Variants in UVRAG observed in about 807,000 individuals in gnomAD.
UVRAG encodes UV radiation resistance associated, also known as UV radiation resistance-associated gene protein.
In UVRAG, 19 loss-of-function variants were observed where a neutral mutation model predicts 78.0. That is an observed-to-expected ratio of 0.24 (90% CI 0.17 to 0.36). The LOEUF is 0.36. UVRAG is among the 10% of genes least tolerant of loss of function. The pLI is 1.00. For synonymous variants in UVRAG, 323 were observed against 324.6 expected, an observed-to-expected ratio of 1.00 and a Z score of 0.05; for missense variants, 740 against 853.8, an observed-to-expected ratio of 0.87 and a Z score of 1.66.
At chr11:76,052,287 C>G (rs565523657) in intron 12 of UVRAG, among the ~76,000 whole-genome samples, 9 of 152,164 alleles carry the variant, frequency 5.9e-5, no homozygotes, top group Non-Finnish European at 1.3e-4. Context: ...TTTCCTTCAT[C>G]CCCCCGGTTA....
intron 12 of UVRAG, among the ~76,000 whole-genome samples, chr11:76,054,769 T>C (rs1950945017): frequency 6.6e-6 from 1 of 152,222 alleles, no homozygotes; most frequent in African/African-American, 2.4e-5. Flanking sequence ...CTCACTGAAG[T>C]GTAAGCTTCA....
At chr11:75,951,057 A>G (rs553701538) in intron 6 of UVRAG, among the ~76,000 whole-genome samples, 13 of 151,410 alleles carry the variant, frequency 8.6e-5, no homozygotes, top group Non-Finnish European at 1.5e-4. Context: ...CATTTCCTCA[A>G]TAATGCCCTT....
chr11:76,065,860 T>A (rs1410122058), intron 13 of UVRAG, 72 bp downstream of exon 13: 2 of 1,433,570 alleles, frequency 1.4e-6, no homozygotes, highest in African/African-American at 2.8e-5. Context: ...CAGCCTTTTT[T>A]CTTTATAAAT....
At chr11:75,907,005 C>A (rs918807563) in intron 5 of UVRAG, among the ~76,000 whole-genome samples, 1 of 152,208 alleles carries the variant, frequency 6.6e-6, no homozygotes, top group African/African-American at 2.4e-5. Context: ...TGACCCCTTG[C>A]AATTCCATAT....
chr11:76,047,651 G>C (rs1252284443), intron 12 of UVRAG, among the ~76,000 whole-genome samples: 1 of 152,158 alleles, frequency 6.6e-6, no homozygotes, highest in Non-Finnish European at 1.5e-5. Flanking sequence ...AGGCTACTAG[G>C]TATAGCTGTT....
intron 6 of UVRAG, among the ~76,000 whole-genome samples, chr11:75,949,250 C>A (rs1211393655): frequency 6.6e-6 from 1 of 152,102 alleles, no homozygotes; most frequent in African/African-American, 2.4e-5. Context: ...CCAGCTCTCC[C>A]AGCTGTCCTT....
intron 13 of UVRAG, among the ~76,000 whole-genome samples, chr11:76,113,890 G>T (rs912152493): frequency 2.6e-4 from 40 of 152,042 alleles, no homozygotes; most frequent in African/African-American, 9.4e-4. Flanking sequence ...GGAGAGTTAA[G>T]ACCCAGACAG....
At chr11:75,878,026 G>C (rs917427803) in intron 3 of UVRAG, among the ~76,000 whole-genome samples, 1 of 151,328 alleles carries the variant, frequency 6.6e-6, no homozygotes, top group Non-Finnish European at 1.5e-5. Flanking sequence ...TCCCAGACGG[G>C]GTGGCTGCCG....
At chr11:76,117,602 G>T (rs1952204576) in intron 14 of UVRAG, among the ~76,000 whole-genome samples, 1 of 152,208 alleles carries the variant, frequency 6.6e-6, no homozygotes, top group Non-Finnish European at 1.5e-5. Context: ...CTTTAGATCT[G>T]AAATAAAACG....
At chr11:75,982,625 G>T (rs1385494855) in intron 7 of UVRAG, among the ~76,000 whole-genome samples, 2 of 152,126 alleles carry the variant, frequency 1.3e-5, no homozygotes, top group Non-Finnish European at 2.9e-5. Context: ...AAAACCTCAG[G>T]CCTCTGCTTG....
At chr11:76,081,276 A>T (rs1951488599) in intron 13 of UVRAG, among the ~76,000 whole-genome samples, 1 of 150,986 alleles carries the variant, frequency 6.6e-6, no homozygotes, top group Non-Finnish European at 1.5e-5. Flanking sequence ...CGCAATCTTG[A>T]CTCACTGCAA....
intron 13 of UVRAG, among the ~76,000 whole-genome samples, chr11:76,082,973 G>A (rs1180196098): frequency 6.6e-6 from 1 of 152,158 alleles, no homozygotes; most frequent in Non-Finnish European, 1.5e-5. Context: ...CAAGGCCACA[G>A]TGAGCTGAGA....
At chr11:76,065,567 TA>T (rs1291110040) in intron 12 of UVRAG, 142 bp from the exon 13 acceptor site, 17 of 619,810 alleles carry the variant, frequency 2.7e-5, no homozygotes, top group Non-Finnish European at 4.8e-5. Flanking sequence ...AAGATGTCAG[TA>T]GATTGCAATG....
chr11:75,983,063 A>G (rs1949424388), intron 7 of UVRAG, among the ~76,000 whole-genome samples: 1 of 152,098 alleles, frequency 6.6e-6, no homozygotes, highest in East Asian at 1.9e-4. Context: ...TCTGTATTTA[A>G]CTTTTTGAGA....
intron 13 of UVRAG, among the ~76,000 whole-genome samples, chr11:76,069,228 GTGT>G (rs1951254929): frequency 6.6e-6 from 1 of 152,220 alleles, no homozygotes; most frequent in Non-Finnish European, 1.5e-5. Flanking sequence ...AAATCCTCAA[GTGT>G]TGTTTGAAGA....
chr11:76,029,964 A>G (rs1215116163), intron 12 of UVRAG, among the ~76,000 whole-genome samples: 2 of 152,226 alleles, frequency 1.3e-5, no homozygotes, highest in Non-Finnish European at 2.9e-5. Context: ...CTCCACCAGC[A>G]AAAACATTAT....
At chr11:76,048,541 C>T (rs1219669941) in intron 12 of UVRAG, among the ~76,000 whole-genome samples, 1 of 152,176 alleles carries the variant, frequency 6.6e-6, no homozygotes, top group Non-Finnish European at 1.5e-5. Context: ...CTTGGAATTT[C>T]CTTCTCCTTT....
intron 11 of UVRAG, among the ~76,000 whole-genome samples, chr11:76,013,741 T>G (rs1036040566): frequency 6.6e-6 from 1 of 152,212 alleles, no homozygotes; most frequent in Non-Finnish European, 1.5e-5. Flanking sequence ...GGAGATTCAG[T>G]GGTCTTGGGG....
chr11:76,007,939 G>T (rs567818090), intron 10 of UVRAG, among the ~76,000 whole-genome samples: 33 of 150,364 alleles, frequency 2.2e-4, no homozygotes, highest in Non-Finnish European at 4.0e-4. Context: ...ACGGAGTTTC[G>T]CTCTGTCACC....
Sources: gnomAD v4.1 joint callset for allele counts (sites outside exome capture counted in the v4.1 genomes callset) on GRCh38, gnomAD v4.1.1 for gene constraint, MANE v1.5 for transcripts, NCBI Gene and HGNC (gene_info 2026-07-23, HGNC 2026-07-21) for gene names.